ANK1: variants seen among roughly 807,000 people sequenced by gnomAD.
The protein encoded by ANK1 is ankyrin-1.
Under a neutral mutation model 210.4 loss-of-function variants are expected in ANK1, and 51 were observed. The observed-to-expected ratio is 0.24, with a 90% confidence interval of 0.19 to 0.31. The LOEUF is 0.31. Ranked by LOEUF, ANK1 falls within the 10% of genes least tolerant of loss-of-function variation. The pLI is 1.00. For synonymous variants in ANK1, 967 were observed against 1,025.9 expected (o/e 0.94, Z 1.10); for missense variants, 2,051 against 2,504.4 (o/e 0.82, Z 3.86).
chr8:41,686,431 T>G, intron 35 of ANK1, 148 bp from the exon 36 acceptor site: 2 of 950,492 alleles, frequency 2.1e-6, no homozygotes, highest in Non-Finnish European at 3.3e-6. Flanking sequence ...GTGGGTTTGG[T>G]CTTCCTTCTT....
At chr8:41,661,314 A>G in intron 42 of ANK1, 116 bp downstream of exon 42, 2 of 1,456,238 alleles carry the variant, frequency 1.4e-6, no homozygotes, top group Non-Finnish European at 1.9e-6. Flanking sequence ...AGACACAACA[A>G]CAAGTTGTTT....
intron 1 of ANK1, among the ~76,000 whole-genome samples, chr8:41,794,171 T>C (rs145229599): frequency 1.3e-5 from 2 of 152,328 alleles, no homozygotes; most frequent in East Asian, 3.9e-4. Context: ...CTAATGCTTC[T>C]CATCTCGCTC....
At chr8:41,678,155 T>G (rs1371166671) in intron 37 of ANK1, among the ~76,000 whole-genome samples, 1 of 152,086 alleles carries the variant, frequency 6.6e-6, no homozygotes, top group Non-Finnish European at 1.5e-5. Context: ...CTTTTTCTTT[T>G]TTTTTGCGTT....
At chr8:41,893,263 T>G (rs1180753580) in intron 1 of ANK1, among the ~76,000 whole-genome samples, 1 of 152,152 alleles carries the variant, frequency 6.6e-6, no homozygotes, top group Admixed American at 6.6e-5. Flanking sequence ...ATTCCAACCT[T>G]CAAAAGCAGG....
intron 1 of ANK1, among the ~76,000 whole-genome samples, chr8:41,763,093 G>A (rs546956561): frequency 1.3e-5 from 2 of 152,102 alleles, no homozygotes; most frequent in South Asian, 4.2e-4. Flanking sequence ...GTGCATGCCT[G>A]TAATCCCAGT....
In ANK1 at chr8:41,654,470, C is replaced by T. The variant is rs1372084276; in HGVS notation, c.*1320G>A. The T allele has an allele frequency of 6.6e-6, 1 of 152,592 alleles. No homozygotes were observed. Among genetic ancestry groups the T allele is most frequent in the Non-Finnish European group, 1.5e-5 (1 of 68,064 alleles). 9.5% of individuals were successfully genotyped at this position (152,592 alleles called of 1,614,324 possible). ...GGACAGGGAACAGCCTCGAGCCTGG[C>T]ACCTGCACCCAGGGTCCCCAGCCTG... is the stretch of plus-strand genomic sequence containing the variant. On this transcript the variant is annotated 3_prime_UTR_variant, in exon 43 of 43. Coordinates refer to ENST00000289734, the MANE Select transcript of ANK1 (RefSeq NM_000037.4).
chr8:41,834,332 G>A (rs1424205533), intron 1 of ANK1, among the ~76,000 whole-genome samples: 1 of 152,260 alleles, frequency 6.6e-6, no homozygotes, highest in Non-Finnish European at 1.5e-5. Flanking sequence ...TGGGAGGTGA[G>A]GAAGAGGCAG....
intron 16 of ANK1, among the ~76,000 whole-genome samples, chr8:41,711,214 G>A (rs1449543019): frequency 1.3e-5 from 2 of 152,150 alleles, no homozygotes; most frequent in East Asian, 3.9e-4. Context: ...GCCTCCCCAC[G>A]ATTAGACACG....
In ANK1 at chr8:41,694,871, C is replaced by T; in HGVS notation, c.3116-68G>A. 6.6e-7 allele frequency: 1 copy of T among 1,523,388 alleles called. No individual in the cohort carries two copies. Among genetic ancestry groups the T allele is most frequent in the Non-Finnish European group, 9.0e-7 (1 of 1,107,580 alleles). The allele number at this position is 1,523,388 out of a possible 1,614,324, so 94.4% of individuals were successfully genotyped here. ...ACAGGTTCAGGACTTCCAGGGGCCC[C>T]AGAGTCTCCTTGTCCCCAAGACCCA... On this transcript the variant is annotated intron_variant, in intron 27 of 42. Transcript: ENST00000289734. This position sits in a 1 kb window ranked among gnomAD's most constrained non-coding sequence, Gnocchi z 5.7.
chr8:41,698,385 G>A (rs1449021888), intron 23 of ANK1, among the ~76,000 whole-genome samples: 1 of 152,172 alleles, frequency 6.6e-6, no homozygotes, highest in Non-Finnish European at 1.5e-5. Context: ...GTTGCTACAT[G>A]ACCACTTGGT....
chr8:41,791,667 G>A (rs555550136), intron 1 of ANK1, among the ~76,000 whole-genome samples: 20 of 152,248 alleles, frequency 1.3e-4, no homozygotes, highest in African/African-American at 4.8e-4. Flanking sequence ...TCTTGACCTC[G>A]TGATCCGCCC....
intron 42 of ANK1, chr8:41,660,554 C>T (rs1184248150): frequency 2.2e-6 from 1 of 464,374 alleles, no homozygotes; most frequent in East Asian, 7.0e-5. Flanking sequence ...GCCCCCAGCA[C>T]CACACACACC....
intron 1 of ANK1, among the ~76,000 whole-genome samples, chr8:41,817,915 G>A (rs1803588337): frequency 6.6e-6 from 1 of 152,200 alleles, no homozygotes; most frequent in African/African-American, 2.4e-5. Context: ...GAAACCCTGA[G>A]ACGATGCTCC....
At chr8:41,798,308 C>A (rs1054106), upstream of ANK1, among the ~76,000 whole-genome samples, 5 of 152,150 alleles carry the variant, frequency 3.3e-5, no homozygotes, top group East Asian at 9.7e-4. Flanking sequence ...GCTTAGTGGC[C>A]GATTTGCAGG....
intron 1 of ANK1, among the ~76,000 whole-genome samples, chr8:41,806,822 C>A (rs938019905): frequency 6.6e-6 from 1 of 152,164 alleles, no homozygotes; most frequent in Non-Finnish European, 1.5e-5. Context: ...TGACGATTGT[C>A]CAGTTTATAG....
At chr8:41,802,766 C>T (rs1354901250) in intron 1 of ANK1, among the ~76,000 whole-genome samples, 1 of 151,596 alleles carries the variant, frequency 6.6e-6, no homozygotes, top group African/African-American at 2.4e-5. Context: ...AAAAAGTAGC[C>T]AGGTGTGGTG....
chr8:41,668,196 C>A (rs1406347847), intron 39 of ANK1, 71 bp downstream of exon 39: 5 of 1,602,562 alleles, frequency 3.1e-6, no homozygotes, highest in Non-Finnish European at 4.3e-6. Flanking sequence ...GCCTGAGAGG[C>A]AGCCCTGGAG....
chr8:41,882,638 C>T (rs925134448), intron 1 of ANK1, among the ~76,000 whole-genome samples: 2 of 152,202 alleles, frequency 1.3e-5, no homozygotes, highest in Non-Finnish European at 2.9e-5. Context: ...TGGAACTTAC[C>T]AAAAATATCA....
chr8:41,797,871 G>T (rs1849100032), upstream of ANK1, among the ~76,000 whole-genome samples: 1 of 151,930 alleles, frequency 6.6e-6, no homozygotes, highest in Non-Finnish European at 1.5e-5. The surrounding 1 kb of genome is among the most constrained non-coding windows in gnomAD (Gnocchi z 4.0). Flanking sequence ...CCCAGAGTTG[G>T]ACATCAGGCC....
Sources: gnomAD v4.1 joint callset for allele counts (sites outside exome capture counted in the v4.1 genomes callset) on GRCh38, gnomAD v4.1.1 for gene constraint, Gnocchi (gnomAD v3.1) non-coding constraint, MANE v1.5 for transcripts, NCBI Gene and HGNC (gene_info 2026-07-23, HGNC 2026-07-21) for gene names.